The following GNG7 variants were observed in gnomAD, a reference collection of about 807,000 sequenced individuals.
GNG7 encodes G protein subunit gamma 7.
In GNG7, 1 loss-of-function variant was observed where a neutral mutation model predicts 4.0. The ratio of observed to expected loss-of-function variants is 0.25; its 90% confidence interval spans 0.09 to 1.18. The LOEUF is 1.18. Among genes scored for constraint, GNG7 ranks in the 50% most tolerant of loss-of-function variants. The pLI, the probability that GNG7 is intolerant of heterozygous loss-of-function variation, is 0.50. For missense variants in GNG7, 86 were observed against 91.9 expected, an observed-to-expected ratio of 0.94 and a Z score of 0.26; for synonymous variants, 34 against 36.9, an observed-to-expected ratio of 0.92 and a Z score of 0.29.
chr19:2,631,643 T>C (rs998881275), intron 2 of GNG7, among the ~76,000 whole-genome samples: 6 of 151,698 alleles, frequency 4.0e-5, no homozygotes, highest in African/African-American at 1.5e-4. Flanking sequence ...GGGGGGAACT[T>C]GGCCCAGGGA....
At chr19:2,657,391 T>TACAC (rs1395309346) in intron 1 of GNG7, among the ~76,000 whole-genome samples, 26 of 89,342 alleles carry the variant, frequency 2.9e-4, no homozygotes, top group African/African-American at 9.8e-4. Context: ...TATATATATA[T>TACAC]ATATATATAC....
intron 3 of GNG7, among the ~76,000 whole-genome samples, chr19:2,530,456 C>G (rs892969686): frequency 2.1e-5 from 3 of 146,066 alleles, no homozygotes; most frequent in Admixed American, 1.4e-4. Flanking sequence ...TGCGGTGGCT[C>G]AAGCCTGTAA....
chr19:2,631,953 G>A (rs1982170027), intron 2 of GNG7: 1 of 152,272 alleles, frequency 6.6e-6, no homozygotes, highest in South Asian at 2.1e-4. Context: ...AACCAGCCAA[G>A]GCAGACTACA....
intron 3 of GNG7, among the ~76,000 whole-genome samples, chr19:2,553,112 C>T (rs1599386608): frequency 7.8e-6 from 1 of 127,914 alleles, no homozygotes; most frequent in African/African-American, 2.9e-5. Flanking sequence ...GCGGGGCTGA[C>T]CAAAAGCAAA....
intron 3 of GNG7, among the ~76,000 whole-genome samples, chr19:2,534,749 G>C (rs1978685943): frequency 6.6e-6 from 1 of 152,230 alleles, no homozygotes; most frequent in Non-Finnish European, 1.5e-5. Flanking sequence ...CACGAGAACT[G>C]ATAGTTTCTG....
chr19:2,623,374 C>T (rs1027916597), intron 2 of GNG7, among the ~76,000 whole-genome samples: 5 of 151,878 alleles, frequency 3.3e-5, no homozygotes, highest in East Asian at 3.9e-4. Flanking sequence ...AGGAGGGGCT[C>T]GGACAGATAC....
intron 2 of GNG7, among the ~76,000 whole-genome samples, chr19:2,593,377 G>C (rs1319975635): frequency 6.6e-6 from 1 of 152,102 alleles, no homozygotes; most frequent in Admixed American, 6.6e-5. Context: ...ATAGTATTGA[G>C]TCAATTTTTG....
chr19:2,640,802 A>AT (rs944460465), intron 2 of GNG7, among the ~76,000 whole-genome samples: 2 of 151,696 alleles, frequency 1.3e-5, no homozygotes, highest in Non-Finnish European at 1.5e-5. Context: ...TAATTGTTTA[A>AT]TTTTTTTGTA....
At chr19:2,544,417 A>C (rs566863658) in intron 3 of GNG7, among the ~76,000 whole-genome samples, 180 of 152,286 alleles carry the variant, frequency 1.2e-3, no homozygotes, top group Middle Eastern at 6.8e-3. Context: ...TGCATCTCAC[A>C]GAAGCCCCTG....
At chr19:2,553,397 C>CATATATAT (rs369513158) in intron 3 of GNG7, among the ~76,000 whole-genome samples, 2 of 142,252 alleles carry the variant, frequency 1.4e-5, no homozygotes, top group African/African-American at 2.6e-5. Context: ...TATATATATA[C>CATATATAT]ATATATATAT....
chr19:2,637,384 G>A (rs1015752245), intron 2 of GNG7, among the ~76,000 whole-genome samples: 1 of 151,898 alleles, frequency 6.6e-6, no homozygotes, highest in South Asian at 2.1e-4. Context: ...CCACCCAGAG[G>A]TCAGAGACCC....
intron 2 of GNG7, among the ~76,000 whole-genome samples, chr19:2,605,681 T>G (rs1277994570): frequency 6.6e-6 from 1 of 151,538 alleles, no homozygotes; most frequent in Non-Finnish European, 1.5e-5. Context: ...ACCCAGCTAA[T>G]TTTTGTATTT....
At chr19:2,605,733 C>T (rs573228041) in intron 2 of GNG7, among the ~76,000 whole-genome samples, 41 of 149,438 alleles carry the variant, frequency 2.7e-4, no homozygotes, top group East Asian at 1.4e-3. Context: ...AGCATGGTCT[C>T]GATCTCCTGA....
At position 2,514,936 on chromosome 19, in the gene GNG7, G is replaced by T; in HGVS notation, c.*86C>A. On this transcript the variant is annotated 3_prime_UTR_variant, in exon 5 of 5. Transcript: ENST00000382159. ...AGATGTTTTGTTTGAGCTAATTACTGAATGATGCCCTGCCTGAGACAGAGA... is the reference window on the plus strand; with the variant it reads ...AGATGTTTTGTTTGAGCTAATTACTTAATGATGCCCTGCCTGAGACAGAGA... 8.9e-7 allele frequency: 1 copy of T among 1,119,708 alleles called. No homozygotes were observed. Among genetic ancestry groups the T allele is most frequent in the Non-Finnish European group, 1.3e-6 (1 of 753,530 alleles). The allele number at this position is 1,119,708 out of a possible 1,614,324, so 69.4% of individuals were successfully genotyped here.
chr19:2,686,463 C>A (rs11878180), intron 1 of GNG7, among the ~76,000 whole-genome samples: 41,551 of 151,700 alleles, frequency 0.27, 6,415 homozygotes, highest in East Asian at 0.59. Flanking sequence ...CGGCCTCCCC[C>A]CTCCTTTTTA....
chr19:2,685,319 A>G (rs1414317387), intron 1 of GNG7, among the ~76,000 whole-genome samples: 1 of 151,886 alleles, frequency 6.6e-6, no homozygotes, highest in Non-Finnish European at 1.5e-5. Context: ...CATGTAATTT[A>G]CCACAATGAA....
chr19:2,685,144 AAAG>A (rs1473763569), intron 1 of GNG7, among the ~76,000 whole-genome samples: 2 of 151,570 alleles, frequency 1.3e-5, no homozygotes, highest in Admixed American at 1.3e-4. Context: ...AAGAAAGAAA[AAAG>A]AAAATAAAGT....
chr19:2,538,174 T>A, intron 3 of GNG7: 1 of 456,672 alleles, frequency 2.2e-6, no homozygotes, highest in Non-Finnish European at 4.4e-6. Flanking sequence ...GGTAAACTGG[T>A]ATCTTCTGAC....
chr19:2,680,518 A>G (rs1265784813), intron 1 of GNG7, among the ~76,000 whole-genome samples: 1 of 151,856 alleles, frequency 6.6e-6, no homozygotes, highest in African/African-American at 2.4e-5. Context: ...AAAAGTGACC[A>G]CATAGACTAA....
Sources: gnomAD v4.1 joint callset for allele counts (sites outside exome capture counted in the v4.1 genomes callset) on GRCh38, gnomAD v4.1.1 for gene constraint, MANE v1.5 for transcripts, NCBI Gene and HGNC (gene_info 2026-07-23, HGNC 2026-07-21) for gene names.